The following WDR41 variants were observed in gnomAD, a reference collection of about 807,000 sequenced individuals.
The protein encoded by WDR41 is WD repeat domain 41.
WDR41 carries 63 observed loss-of-function variants against 69.3 expected under a neutral mutation model. The observed-to-expected ratio is 0.91, with a 90% CI of 0.74 to 1.12. The LOEUF (loss-of-function observed/expected upper bound fraction) is 1.12, where lower values mean the gene tolerates loss of function less well. Ranked by LOEUF, WDR41 falls within the 50% of genes most tolerant of loss-of-function variation. The pLI, the probability that WDR41 is intolerant of heterozygous loss-of-function variation, is 0.00. For missense variants in WDR41, 543 were observed against 534.5 expected, an observed-to-expected ratio of 1.02 and a Z score of -0.16; for synonymous variants, 185 against 192.1, an observed-to-expected ratio of 0.96 and a Z score of 0.31.
chr5:77,614,412 A>G (rs1274044789), intron 1 of WDR41, among the ~76,000 whole-genome samples: 8 of 151,072 alleles, frequency 5.3e-5, no homozygotes, highest in African/African-American at 1.9e-4. Context: ...TCCAACAATG[A>G]TAGACTGGAT....
intron 1 of WDR41, among the ~76,000 whole-genome samples, chr5:77,502,664 C>A (rs187461773): frequency 2.8e-4 from 43 of 152,292 alleles, no homozygotes; most frequent in African/African-American, 1.0e-3. Flanking sequence ...AGACTGACAG[C>A]GGATCACTCG....
intron 1 of WDR41, among the ~76,000 whole-genome samples, chr5:77,542,261 G>T (rs7711856): frequency 0.49 from 74,777 of 151,820 alleles, 19,793 homozygotes; most frequent in African/African-American, 0.7. Context: ...CAACACGCAC[G>T]GGGGCCTACT....
chr5:77,464,865 A>T (rs1384778551), intron 2 of WDR41, 56 bp from the exon 3 acceptor site: 4 of 1,557,336 alleles, frequency 2.6e-6, no homozygotes, highest in Non-Finnish European at 3.5e-6. Context: ...TTAATTACTA[A>T]GATTAAGAAC....
At chr5:77,575,743 T>C (rs183049298) in intron 1 of WDR41, among the ~76,000 whole-genome samples, 1 of 149,778 alleles carries the variant, frequency 6.7e-6, no homozygotes, top group Non-Finnish European at 1.5e-5. Flanking sequence ...CTGGGAAGTA[T>C]TACAAGAGAA....
upstream of WDR41, among the ~76,000 whole-genome samples, chr5:77,493,230 G>A (rs1801881323): frequency 6.6e-6 from 1 of 152,130 alleles, no homozygotes; most frequent in African/African-American, 2.4e-5. Context: ...ACTGGTCTAG[G>A]AACTACTTAT....
chr5:77,578,380 A>G (rs1743872986), intron 1 of WDR41, among the ~76,000 whole-genome samples: 1 of 152,206 alleles, frequency 6.6e-6, no homozygotes, highest in South Asian at 2.1e-4. Flanking sequence ...GGGGGAGGGC[A>G]GTTTAGTATC....
intron 1 of WDR41, among the ~76,000 whole-genome samples, chr5:77,499,111 C>T (rs1422957688): frequency 1.3e-5 from 2 of 152,328 alleles, no homozygotes; most frequent in South Asian, 4.1e-4. Context: ...ATACACGTCA[C>T]TCTTTCTCTC....
intron 1 of WDR41, among the ~76,000 whole-genome samples, chr5:77,612,346 A>G (rs1038097721): frequency 1.3e-5 from 2 of 152,212 alleles, no homozygotes; most frequent in African/African-American, 4.8e-5. Flanking sequence ...ACCAAAAAAG[A>G]GAATTTTAGA....
intron 5 of WDR41, among the ~76,000 whole-genome samples, chr5:77,456,693 A>T (rs179814): frequency 0.56 from 85,499 of 152,026 alleles, 24,591 homozygotes; most frequent in African/African-American, 0.68. Flanking sequence ...CACCATTTTT[A>T]AAAATTTTTA....
chr5:77,602,290 C>A (rs192017292), intron 1 of WDR41, among the ~76,000 whole-genome samples: 217 of 152,282 alleles, frequency 1.4e-3, no homozygotes, highest in Non-Finnish European at 2.3e-3. Flanking sequence ...CAGGCATGCG[C>A]CACCACGCCT....
At chr5:77,492,485 G>A (rs1033383831), upstream of WDR41, 5 of 420,682 alleles carry the variant, frequency 1.2e-5, no homozygotes, top group African/African-American at 1.0e-4. Flanking sequence ...TGCGGCGATT[G>A]CGGGGCGCGC....
intron 8 of WDR41, among the ~76,000 whole-genome samples, chr5:77,442,771 A>C (rs1011090261): frequency 6.6e-6 from 1 of 151,290 alleles, no homozygotes; most frequent in Non-Finnish European, 1.5e-5. Flanking sequence ...GGGCGCCTGT[A>C]GTCCCAGCTA....
At chr5:77,610,158 G>A (rs1270887454) in intron 1 of WDR41, among the ~76,000 whole-genome samples, 2 of 152,210 alleles carry the variant, frequency 1.3e-5, no homozygotes, top group African/African-American at 4.8e-5. Context: ...GGGACTATGT[G>A]AAAAGACCAA....
At chr5:77,487,633 T>G (rs1002507725) in intron 2 of WDR41, among the ~76,000 whole-genome samples, 1 of 152,172 alleles carries the variant, frequency 6.6e-6, no homozygotes, top group Non-Finnish European at 1.5e-5. Context: ...ATTTTCCAAG[T>G]GGTAAGAATG....
chr5:77,495,611 A>T (rs1488498974), upstream of WDR41, among the ~76,000 whole-genome samples: 2 of 152,066 alleles, frequency 1.3e-5, no homozygotes, highest in Admixed American at 1.3e-4. Context: ...AAGTAAAGAG[A>T]TTGAAACAGT....
chr5:77,605,151 T>C (rs1185577175), intron 1 of WDR41, among the ~76,000 whole-genome samples: 1 of 152,228 alleles, frequency 6.6e-6, no homozygotes, highest in South Asian at 2.1e-4. Context: ...AAAATGCTAC[T>C]GATTGAACCA....
At chr5:77,457,041 T>G (rs1799862856) in intron 5 of WDR41, among the ~76,000 whole-genome samples, 1 of 152,190 alleles carries the variant, frequency 6.6e-6, no homozygotes, top group Non-Finnish European at 1.5e-5. Context: ...GCCTTGAGAT[T>G]TTCACAGAAG....
intron 1 of WDR41, among the ~76,000 whole-genome samples, chr5:77,509,547 C>T (rs188228143): frequency 3.2e-4 from 49 of 152,172 alleles, no homozygotes; most frequent in African/African-American, 1.1e-3. Flanking sequence ...ACACAGGCTG[C>T]GACATTGATG....
At chr5:77,481,586 AC>A (rs915325126) in intron 2 of WDR41, among the ~76,000 whole-genome samples, 14 of 152,114 alleles carry the variant, frequency 9.2e-5, no homozygotes, top group Middle Eastern at 6.8e-3. Flanking sequence ...GGAGTTCGAG[AC>A]CAGCCTGGCC....
Sources: allele counts gnomAD v4.1 joint callset (sites outside exome capture counted in the v4.1 genomes callset), GRCh38; gene constraint gnomAD v4.1.1; transcripts MANE v1.5; gene names NCBI Gene and HGNC (gene_info 2026-07-23, HGNC 2026-07-21).